The following DST variants were observed in gnomAD, a reference collection of about 807,000 sequenced individuals.
DST encodes the protein bullous pemphigoid antigen.
In DST, 253 loss-of-function variants were observed where a neutral mutation model predicts 875.2. The ratio of observed to expected loss-of-function variants is 0.29; its 90% CI spans 0.26 to 0.32. The LOEUF (loss-of-function observed/expected upper bound fraction) is 0.32, where lower values mean the gene tolerates loss of function less well. Among genes scored for constraint, DST ranks in the 10% least tolerant of loss-of-function variants. The probability of loss-of-function intolerance (pLI) is 1.00; values close to 1 mark genes in which losing one functional copy is unlikely to be tolerated. For missense variants in DST, 8,287 were observed against 9,111.6 expected, an observed-to-expected ratio of 0.91 and a Z score of 3.68; for synonymous variants, 3,124 against 3,197.1, an observed-to-expected ratio of 0.98 and a Z score of 0.77.
At chr6:56,493,191 T>TA in intron 83 of DST, 102 bp from the exon 84 acceptor site, 3 of 973,500 alleles carry the variant, frequency 3.1e-6, no homozygotes, top group Non-Finnish European at 4.4e-6. Context: ...TATCCCCACT[T>TA]TATTTATGCA....
intron 2 of DST, among the ~76,000 whole-genome samples, chr6:56,924,032 T>C (rs578210064): frequency 5.1e-4 from 77 of 152,066 alleles, no homozygotes; most frequent in African/African-American, 1.8e-3. Context: ...GCTGAGGCAA[T>C]TGAATCGCTT....
intron 3 of DST, among the ~76,000 whole-genome samples, chr6:56,899,419 G>A (rs1356342531): frequency 6.6e-6 from 1 of 151,806 alleles, no homozygotes; most frequent in East Asian, 1.9e-4. Flanking sequence ...TCTTTCCATT[G>A]TTGTTGGCCT....
At chr6:56,672,430 G>A (rs1021359910) in intron 9 of DST, among the ~76,000 whole-genome samples, 1 of 152,108 alleles carries the variant, frequency 6.6e-6, no homozygotes, top group African/African-American at 2.4e-5. Flanking sequence ...CCAAACTCCA[G>A]AGCATGGAAA....
chr6:56,477,293 C>T, intron 91 of DST, 52 bp downstream of exon 91: 2 of 1,571,720 alleles, frequency 1.3e-6, no homozygotes, highest in South Asian at 2.4e-5. Context: ...TTCCCACACC[C>T]CTCAACTCTC....
At chr6:56,468,256 C>A (rs2094690603) in intron 98 of DST, among the ~76,000 whole-genome samples, 1 of 152,124 alleles carries the variant, frequency 6.6e-6, no homozygotes, top group Non-Finnish European at 1.5e-5. Context: ...TGTAGTGCCA[C>A]TACACAGGTT....
At chr6:56,941,733 G>A (rs1293205624) in intron 2 of DST, among the ~76,000 whole-genome samples, 4 of 152,012 alleles carry the variant, frequency 2.6e-5, no homozygotes, top group African/African-American at 9.7e-5. Flanking sequence ...CTACTACCTC[G>A]GCCTCCCAAA....
rs1011552381 is a variant in DST, at chr6:56,954,664, G to C, written c.-77C>G. ...CAGGCACCCGCGCTGGGCGCACGCC[G>C]GGACGGCGGGCACGGGTGAGCGCGG... On this transcript the variant is annotated 5_prime_UTR_variant, in exon 1 of 104. Transcript: ENST00000680361. 6.8e-6 allele frequency: 7 copies of C among 1,035,044 alleles called. No homozygotes were observed. Among genetic ancestry groups the C allele is most frequent in the Non-Finnish European group, 8.4e-6 (7 of 830,044 alleles). The allele number at this position is 1,035,044 out of a possible 1,614,324, so 64.1% of individuals were successfully genotyped here.
At chr6:56,924,219 C>T (rs568761623) in intron 2 of DST, among the ~76,000 whole-genome samples, 1 of 152,178 alleles carries the variant, frequency 6.6e-6, no homozygotes, top group Non-Finnish European at 1.5e-5. Context: ...AATTAACCAT[C>T]ACATAGTGCT....
intron 5 of DST, among the ~76,000 whole-genome samples, chr6:56,706,546 C>T (rs1045790312): frequency 1.3e-5 from 2 of 152,112 alleles, no homozygotes; most frequent in Non-Finnish European, 2.9e-5. Context: ...GAAATGAGTA[C>T]TAATACTGCA....
At chr6:56,499,177 A>T (rs1433747145) in intron 80 of DST, among the ~76,000 whole-genome samples, 1 of 152,146 alleles carries the variant, frequency 6.6e-6, no homozygotes, top group East Asian at 1.9e-4. Flanking sequence ...TGTTGGCAAT[A>T]GTAAAGAAAA....
At chr6:56,739,676 T>G (rs930795340) in intron 4 of DST, among the ~76,000 whole-genome samples, 2 of 152,152 alleles carry the variant, frequency 1.3e-5, no homozygotes, top group African/African-American at 2.4e-5. Flanking sequence ...GCAGTAAAGA[T>G]GCTGACTAAA....
intron 5 of DST, among the ~76,000 whole-genome samples, chr6:56,709,935 C>A (rs1430829296): frequency 6.6e-6 from 1 of 152,102 alleles, no homozygotes; most frequent in Non-Finnish European, 1.5e-5. Flanking sequence ...GGAAGGAAAG[C>A]AGTGGTGAAG....
At chr6:56,511,718 A>C (rs1004159588) in intron 72 of DST, among the ~76,000 whole-genome samples, 2 of 151,896 alleles carry the variant, frequency 1.3e-5, no homozygotes, top group African/African-American at 4.8e-5. Context: ...CTAGGGTCAT[A>C]TTATATAAAA....
rs866940631 is a variant in DST, at chr6:56,586,423, G to C, written c.12903+5759C>G. Among the ~76,000 whole-genome samples, 65 of 151,288 alleles carry C rather than the reference G, an allele frequency of 4.3e-4. No individual in the cohort carries two copies. The Middle Eastern group carries it at 0.024, about 55-fold the overall frequency. ...ATCAGAGACTAGGATTGCAACCCCT[G>C]CCTTTTTTTGTTTTCCATTTGCTTG... On this transcript the variant is annotated intron_variant, in intron 49 of 103. Transcript: ENST00000680361.
At chr6:56,921,986 A>G (rs1259960894) in intron 2 of DST, among the ~76,000 whole-genome samples, 2 of 152,168 alleles carry the variant, frequency 1.3e-5, no homozygotes, top group Non-Finnish European at 2.9e-5. Context: ...TTATTATTAT[A>G]TTGCTGTTTA....
intron 2 of DST, among the ~76,000 whole-genome samples, chr6:56,910,827 G>C (rs1225404636): frequency 2.6e-5 from 4 of 152,306 alleles, no homozygotes; most frequent in Non-Finnish European, 5.9e-5. Context: ...TAGTAATACA[G>C]TGTTTATTTC....
In DST at chr6:56,735,217, T is replaced by C. The variant is rs1168207116; in HGVS notation, c.687+11A>G. ...AAACAATTCCAGGAAGTGAACGAAA[T>C]AAAAACTGACCTTCATGAGATGCTG... On this transcript the variant is annotated intron_variant, in intron 5 of 103. Coordinates refer to ENST00000680361, the MANE Select transcript of DST (RefSeq NM_001374736.1). The C allele has an allele frequency of 6.5e-7, 1 of 1,534,212 alleles. No individual in the cohort carries two copies. Among genetic ancestry groups the C allele is most frequent in the Admixed American group, 2.0e-5 (1 of 50,930 alleles).
chr6:56,882,716 T>G (rs1008985708), intron 3 of DST, among the ~76,000 whole-genome samples: 1 of 152,236 alleles, frequency 6.6e-6, no homozygotes, highest in African/African-American at 2.4e-5. Flanking sequence ...TCATCAAAAT[T>G]TCATGAGCTC....
At chr6:56,783,793 T>C (rs2099699362) in intron 4 of DST, among the ~76,000 whole-genome samples, 1 of 152,224 alleles carries the variant, frequency 6.6e-6, no homozygotes, top group Admixed American at 6.5e-5. Flanking sequence ...ATTTTGCTCG[T>C]TAGTTGATGC....
Sources: gnomAD v4.1 joint callset for allele counts (sites outside exome capture counted in the v4.1 genomes callset) on GRCh38, gnomAD v4.1.1 for gene constraint, MANE v1.5 for transcripts, NCBI Gene and HGNC (gene_info 2026-07-23, HGNC 2026-07-21) for gene names.